The following OPCML variants were observed in gnomAD, a reference collection of about 807,000 sequenced individuals.
OPCML encodes opioid binding protein/cell adhesion molecule like.
Under a neutral mutation model 37.8 loss-of-function variants are expected in OPCML, and 13 were observed. The observed-to-expected ratio is 0.34, with a 90% CI of 0.22 to 0.55. The LOEUF (loss-of-function observed/expected upper bound fraction) is 0.55, where lower values mean the gene tolerates loss of function less well. Ranked by LOEUF, OPCML falls within the 20% of genes least tolerant of loss-of-function variation. OPCML has a pLI of 0.91. For missense variants in OPCML, 341 were observed against 435.6 expected (o/e 0.78, Z 1.93); for synonymous variants, 176 against 168.8 (o/e 1.04, Z -0.33).
At chr11:133,325,169 T>C (rs1055503036) in intron 1 of OPCML, among the ~76,000 whole-genome samples, 6 of 152,216 alleles carry the variant, frequency 3.9e-5, no homozygotes, top group Non-Finnish European at 8.8e-5. Flanking sequence ...GAAGCTCTGG[T>C]ATGAAAAGCC....
intron 1 of OPCML, among the ~76,000 whole-genome samples, chr11:133,457,981 C>T (rs760233950): frequency 2.6e-5 from 4 of 151,682 alleles, no homozygotes; most frequent in Admixed American, 6.6e-5. Flanking sequence ...CCTGTCTCTA[C>T]TAAAAGTACA....
chr11:132,715,672 G>T (rs1046432398), intron 2 of OPCML, among the ~76,000 whole-genome samples: 2 of 152,178 alleles, frequency 1.3e-5, no homozygotes, highest in African/African-American at 4.8e-5. Context: ...TCTGCAACCT[G>T]GAAGGGTGTC....
intron 4 of OPCML, among the ~76,000 whole-genome samples, chr11:132,455,623 T>C (rs1038218928): frequency 4.6e-5 from 7 of 152,230 alleles, no homozygotes; most frequent in African/African-American, 1.7e-4. Context: ...CAAAACGGTC[T>C]CAGTGTAGAC....
chr11:133,343,352 C>T (rs536942583), intron 1 of OPCML, among the ~76,000 whole-genome samples: 89 of 152,280 alleles, frequency 5.8e-4, no homozygotes, highest in African/African-American at 2.1e-3. Flanking sequence ...TCCATCTACC[C>T]ATGTCACTCC....
chr11:133,333,141 C>T (rs1322675785), intron 1 of OPCML, among the ~76,000 whole-genome samples: 1 of 152,126 alleles, frequency 6.6e-6, no homozygotes, highest in Non-Finnish European at 1.5e-5. Flanking sequence ...ACACTGCAAC[C>T]TCTGCCTCCC....
chr11:133,020,050 CA>C (rs1378419106), intron 1 of OPCML, among the ~76,000 whole-genome samples: 1 of 152,202 alleles, frequency 6.6e-6, no homozygotes, highest in Non-Finnish European at 1.5e-5. Flanking sequence ...TATTCACCTC[CA>C]GGGGCGGATG....
At chr11:132,556,646 C>G (rs2137468019) in intron 3 of OPCML, among the ~76,000 whole-genome samples, 1 of 152,294 alleles carries the variant, frequency 6.6e-6, no homozygotes, top group East Asian at 1.9e-4. Flanking sequence ...TTGAAGTTCA[C>G]AGCATACGTT....
At position 132,568,958 on chromosome 11, in the gene OPCML, A is replaced by G. The variant is rs56785722; in HGVS notation, c.380-39772T>C. On this transcript the variant is annotated intron_variant, in intron 3 of 7. Transcript: ENST00000524381. Reference sequence around the variant, plus strand: ...AACATCTTTAATACTAAAAATAAATAGCTATGCTGAAAAGCAGGAGGAAAG... The same window carrying G: ...AACATCTTTAATACTAAAAATAAATGGCTATGCTGAAAAGCAGGAGGAAAG... Among the ~76,000 whole-genome samples, 1,799 of 152,380 alleles carry G rather than the reference A, an allele frequency of 0.012. 130 individuals are homozygous for G. In the East Asian group the frequency reaches 0.21, roughly 18 times the overall value.
chr11:133,370,777 C>G (rs1944658255), intron 1 of OPCML, among the ~76,000 whole-genome samples: 1 of 152,068 alleles, frequency 6.6e-6, no homozygotes, highest in Non-Finnish European at 1.5e-5. Flanking sequence ...GATTTTGAGA[C>G]TAAAACCTCA....
intron 1 of OPCML, among the ~76,000 whole-genome samples, chr11:133,108,297 G>C (rs1592008263): frequency 6.6e-6 from 1 of 152,140 alleles, no homozygotes; most frequent in Non-Finnish European, 1.5e-5. Flanking sequence ...GGGTGTTGTT[G>C]TTCTTCTAGG....
At chr11:132,933,440 G>C (rs1231335130) in intron 2 of OPCML, among the ~76,000 whole-genome samples, 2 of 152,212 alleles carry the variant, frequency 1.3e-5, no homozygotes, top group Non-Finnish European at 2.9e-5. Flanking sequence ...GAAAGGACAA[G>C]TGAAACAGCA....
chr11:133,270,964 G>T (rs1941810945), intron 1 of OPCML, among the ~76,000 whole-genome samples: 2 of 152,132 alleles, frequency 1.3e-5, no homozygotes, highest in African/African-American at 2.4e-5. Context: ...CCTCGTTAAG[G>T]TCTGTGTATA....
chr11:133,479,239 T>A (rs529169948), intron 1 of OPCML, among the ~76,000 whole-genome samples: 290 of 152,252 alleles, frequency 1.9e-3, no homozygotes, highest in Non-Finnish European at 3.4e-3. Flanking sequence ...AAACTCAAAC[T>A]AAGGCCCAGG....
At chr11:132,469,546 G>GGT (rs1261442200) in intron 4 of OPCML, among the ~76,000 whole-genome samples, 6 of 146,534 alleles carry the variant, frequency 4.1e-5, no homozygotes, top group Admixed American at 6.8e-5. Flanking sequence ...ATGTGTGTGG[G>GGT]GTGTGTGTGT....
intron 2 of OPCML, among the ~76,000 whole-genome samples, chr11:132,923,223 CT>C (rs1197558609): frequency 6.6e-6 from 1 of 151,922 alleles, no homozygotes. Context: ...ACAGAAAACA[CT>C]AAAAAGGTCA....
At position 133,070,722 on chromosome 11, in the gene OPCML, CA is replaced by C. The variant is rs1220761192; in HGVS notation, c.62-127713del. ...CTAAGCTAATATTATAATTAGTTCC[CA>C]TTGCCTGGGTTCATACTGGCTGGGT... is the stretch of plus-strand genomic sequence containing the variant. On this transcript the variant is annotated intron_variant, in intron 1 of 7. Transcript: ENST00000524381. 2.0e-5 allele frequency among the ~76,000 whole-genome samples: 3 copies of C among 152,096 alleles called. No homozygotes were observed. The South Asian group carries it at 6.2e-4, about 32-fold the overall frequency.
intron 1 of OPCML, among the ~76,000 whole-genome samples, chr11:133,514,684 A>G (rs1948226343): frequency 1.3e-5 from 2 of 152,198 alleles, no homozygotes; most frequent in Non-Finnish European, 2.9e-5. Flanking sequence ...CTCTATTGCC[A>G]TAACTGTACG....
At chr11:133,154,732 A>G (rs1950032988) in intron 1 of OPCML, among the ~76,000 whole-genome samples, 1 of 152,236 alleles carries the variant, frequency 6.6e-6, no homozygotes, top group South Asian at 2.1e-4. Flanking sequence ...AAGAGTTCAG[A>G]CTGAGAGGTG....
At position 133,168,966 on chromosome 11, in the gene OPCML, T is replaced by A. The variant is rs144549762; in HGVS notation, c.62-225956A>T. Among the ~76,000 whole-genome samples the A allele has an allele frequency of 1.7e-3, 265 of 152,160 alleles. 1 individual carries two copies. Among genetic ancestry groups the A allele is most frequent in the African/African-American group, 6.2e-3 (257 of 41,536 alleles). ...CAATATGGTGAAACACTGTCTCTACTAAAAATACAAAAAGCTAGCTGGGTG... is the reference window on the plus strand; with the variant it reads ...CAATATGGTGAAACACTGTCTCTACAAAAAATACAAAAAGCTAGCTGGGTG... On this transcript the variant is annotated intron_variant, in intron 1 of 7. Coordinates refer to ENST00000524381, the MANE Select transcript of OPCML (RefSeq NM_001012393.5).
Sources: gnomAD v4.1 joint callset for allele counts (sites outside exome capture counted in the v4.1 genomes callset) on GRCh38, gnomAD v4.1.1 for gene constraint, MANE v1.5 for transcripts, NCBI Gene and HGNC (gene_info 2026-07-23, HGNC 2026-07-21) for gene names.